Variants in CYP3A7 observed in about 807,000 individuals in gnomAD.
The protein encoded by CYP3A7 is cytochrome P450 3A7.
In CYP3A7, 45 loss-of-function variants were observed where a neutral mutation model predicts 55.2. That is an observed-to-expected ratio of 0.82 (90% CI 0.64 to 1.05). The LOEUF (loss-of-function observed/expected upper bound fraction) is 1.05, where lower values mean the gene tolerates loss of function less well. Among genes scored for constraint, CYP3A7 ranks in the 50% least tolerant of loss-of-function variants. The probability of loss-of-function intolerance (pLI) is 0.00; values close to 1 mark genes in which losing one functional copy is unlikely to be tolerated. For synonymous variants in CYP3A7, 180 were observed against 207.4 expected (o/e 0.87, Z 1.13); for missense variants, 548 against 605.3 (o/e 0.91, Z 0.99).
intron 7 of CYP3A7, among the ~76,000 whole-genome samples, chr7:99,714,896 C>G (rs1563021765): frequency 6.6e-6 from 1 of 152,162 alleles, no homozygotes; most frequent in Non-Finnish European, 1.5e-5. Flanking sequence ...GCAGTGAGAT[C>G]AGCAGCCCCT....
chr7:99,734,981 A>G (rs755985384), intron 1 of CYP3A7, 42 bp downstream of exon 1: 3 of 1,613,474 alleles, frequency 1.9e-6, no homozygotes, highest in South Asian at 2.2e-5. Flanking sequence ...TAGCACCCCA[A>G]GTCCAAGGAA....
rs180772013 is a variant in CYP3A7 at position 99,718,303 on chromosome 7, C to T, written c.319-664G>A. Among the ~76,000 whole-genome samples the T allele has an allele frequency of 1.7e-4, 26 of 152,180 alleles. No individual in the cohort carries two copies. The East Asian group carries it at 4.4e-3, about 26-fold the overall frequency. ...TAGGTAATACTTTTAAAACTCACAA[C>T]GTATTTTGAAGAAATAATGCGATTC... On this transcript the variant is annotated intron_variant, in intron 4 of 12. Coordinates refer to ENST00000336374, the MANE Select transcript of CYP3A7 (RefSeq NM_000765.5).
chr7:99,717,929 TAG>T (rs951603776), intron 4 of CYP3A7, among the ~76,000 whole-genome samples: 4 of 152,012 alleles, frequency 2.6e-5, no homozygotes, highest in African/African-American at 9.7e-5. Context: ...GCGTGCAGTG[TAG>T]AGAGAGAGTG....
intron 5 of CYP3A7, 93 bp downstream of exon 5, chr7:99,717,433 A>G: frequency 6.3e-7 from 1 of 1,584,374 alleles, no homozygotes; most frequent in East Asian, 2.3e-5. Flanking sequence ...TCAGCAGACT[A>G]CTCCTCGGAA....
chr7:99,706,668 C>T (rs932331994), intron 12 of CYP3A7, among the ~76,000 whole-genome samples: 1 of 151,988 alleles, frequency 6.6e-6, no homozygotes, highest in Non-Finnish European at 1.5e-5. Flanking sequence ...TTTCAAAAGG[C>T]ATGAATATAT....
At position 99,708,533 on chromosome 7, in the gene CYP3A7, C is replaced by T. The variant is rs1813610185; in HGVS notation, c.1253+502G>A. On this transcript the variant is annotated intron_variant, in intron 11 of 12. Coordinates refer to ENST00000336374, the MANE Select transcript of CYP3A7 (RefSeq NM_000765.5). ...TCTCCTTCTTTCTCCCCCACACCTC[C>T]ATAGAATAGTTTAAGTCAGATAATT... 3.9e-5 allele frequency among the ~76,000 whole-genome samples: 6 copies of T among 152,132 alleles called. 1 individual carries two copies. The Middle Eastern group carries it at 0.01, about 259-fold the overall frequency.
rs2151496665 is a variant in CYP3A7, at chr7:99,705,299, C to G, written c.*201G>C. 1 of 569,042 alleles carries G rather than the reference C, an allele frequency of 1.8e-6. No individual in the cohort carries two copies. Among genetic ancestry groups the G allele is most frequent in the East Asian group, 3.5e-5 (1 of 28,712 alleles). The allele number at this position is 569,042 out of a possible 1,614,324, so 35.2% of individuals were successfully genotyped here. On this transcript the variant is annotated 3_prime_UTR_variant, in exon 13 of 13. Transcript: ENST00000336374. ...TCTACTTCCCCAGCACTGATTTGGTCATCTCCTCTATATTACCAAGTATAA... is the reference window on the plus strand; with the variant it reads ...TCTACTTCCCCAGCACTGATTTGGTGATCTCCTCTATATTACCAAGTATAA...
intron 3 of CYP3A7, 96 bp downstream of exon 3, chr7:99,722,200 A>C: frequency 2.0e-6 from 3 of 1,501,182 alleles, no homozygotes; most frequent in Non-Finnish European, 2.8e-6. Flanking sequence ...CAAGAGCTTC[A>C]TCGCAAGAGG....
intron 1 of CYP3A7, 35 bp downstream of exon 1, chr7:99,734,988 G>A (rs1814774895): frequency 6.2e-7 from 1 of 1,613,802 alleles, no homozygotes; most frequent in African/African-American, 1.3e-5. Flanking sequence ...CCAAGTCCAA[G>A]GAAACAGAGA....
At position 99,705,401 on chromosome 7, in the gene CYP3A7, C is replaced by T; in HGVS notation, c.*99G>A. 7.5e-7 allele frequency: 1 copy of T among 1,336,796 alleles called. No homozygotes were observed. Among genetic ancestry groups the T allele is most frequent in the Non-Finnish European group, 1.1e-6 (1 of 937,638 alleles). The allele number at this position is 1,336,796 out of a possible 1,614,324, so 82.8% of individuals were successfully genotyped here. A position where few individuals can be genotyped will look rare whatever the true frequency, so the allele number is the denominator to read the frequency against. On this transcript the variant is annotated 3_prime_UTR_variant, in exon 13 of 13. Coordinates refer to ENST00000336374, the MANE Select transcript of CYP3A7 (RefSeq NM_000765.5). ...ATTTATGCAGCACATTGGATGAAGCCCGTCTTCATTTCAGGGTTCTATTTG... is the reference window on the plus strand; with the variant it reads ...ATTTATGCAGCACATTGGATGAAGCTCGTCTTCATTTCAGGGTTCTATTTG...
rs1813719180 is a variant in CYP3A7 at position 99,710,803 on chromosome 7, A to G, written c.955T>C (p.Tyr319His). Residue 319 changes from tyrosine to histidine, a missense_variant, in exon 10 of 13, where the codon TAT becomes CAT. Transcript: ENST00000336374. ...TTSSVLSFII[Y>H]ELATHPDVQQ... ...ACATCAGGGTGAGTGGCCAGTTCAT[A>G]TATAATGAAGGAGAGAACACTGCTC... 3.7e-6 allele frequency: 6 copies of G among 1,613,822 alleles called. No individual in the cohort carries two copies. The East Asian group carries it at 1.3e-4, about 36-fold the overall frequency.
chr7:99,709,436 C>T (rs1388463489), intron 10 of CYP3A7, among the ~76,000 whole-genome samples, 175 bp from the exon 11 acceptor site: 1 of 152,094 alleles, frequency 6.6e-6, no homozygotes, highest in Non-Finnish European at 1.5e-5. Flanking sequence ...TGCTCAATGG[C>T]CCACTAAGAT....
chr7:99,722,464 G>A lies in CYP3A7; in HGVS notation c.166-116C>T, dbSNP rs1814242796. ...AAATTAGACTTGCTGGCAGTTAGAG[G>A]AAGCTTATTTAGAGATGTCATAAGA... On this transcript the variant is annotated intron_variant, in intron 2 of 12. Transcript: ENST00000336374. 7 of 1,313,658 alleles carry A rather than the reference G, an allele frequency of 5.3e-6. No individual in the cohort carries two copies. The South Asian group carries it at 9.1e-5, about 17-fold the overall frequency. 81.4% of individuals were successfully genotyped at this position (1,313,658 alleles called of 1,614,324 possible). A position where few individuals can be genotyped will look rare whatever the true frequency, so the allele number is the denominator to read the frequency against.
Position 99,710,896 on chromosome 7 carries a change from A to G in CYP3A7, c.866-4T>C, listed in dbSNP as rs756498783. On this transcript the variant is annotated splice_region_variant and splice_polypyrimidine_tract_variant and intron_variant, in intron 9 of 12. Transcript: ENST00000336374. ...ATGAGCTCCAGATCAGACAGAGCTG[A>G]AAGGAGAGAAAAGACATTTTAGGTA... 64 of 1,613,554 alleles carry G rather than the reference A, an allele frequency of 4.0e-5. No homozygotes were observed. The highest frequency in any genetic ancestry group is 5.0e-5 in the Non-Finnish European group (59 of 1,179,710).
chr7:99,717,065 C>G, intron 6 of CYP3A7, 112 bp downstream of exon 6: 1 of 1,336,306 alleles, frequency 7.5e-7, no homozygotes, highest in Admixed American at 1.8e-5. Flanking sequence ...TTACCACAGC[C>G]CTCCTTTTGT....
intron 11 of CYP3A7, among the ~76,000 whole-genome samples, chr7:99,708,212 T>A (rs575834361): frequency 6.6e-5 from 10 of 152,252 alleles, no homozygotes; most frequent in African/African-American, 2.2e-4. Context: ...ATAAATACTG[T>A]TGCAAAGTAT....
chr7:99,707,710 A>G (rs1282772608), intron 12 of CYP3A7, 102 bp downstream of exon 12: 2 of 1,551,770 alleles, frequency 1.3e-6, no homozygotes, highest in African/African-American at 2.8e-5. Flanking sequence ...CCATAGAACA[A>G]ATTATTAAAA....
At chr7:99,725,137 C>A (rs552504800) in intron 2 of CYP3A7, among the ~76,000 whole-genome samples, 2 of 152,244 alleles carry the variant, frequency 1.3e-5, no homozygotes, top group African/African-American at 4.8e-5. Flanking sequence ...TTAATTATGA[C>A]AAGCTAAAGG....
chr7:99,707,237 T>C (rs963391648), intron 12 of CYP3A7, among the ~76,000 whole-genome samples: 2 of 152,230 alleles, frequency 1.3e-5, no homozygotes, highest in Non-Finnish European at 2.9e-5. Context: ...GTGGTAGTCC[T>C]TCGTATCCAA....
Sources: allele counts gnomAD v4.1 joint callset (sites outside exome capture counted in the v4.1 genomes callset), GRCh38; gene constraint gnomAD v4.1.1; transcripts MANE v1.5; gene names NCBI Gene and HGNC (gene_info 2026-07-23, HGNC 2026-07-21).